SUCLG2: variants seen among roughly 807,000 people sequenced by gnomAD.
SUCLG2 encodes the protein succinate-CoA ligase GDP-forming subunit beta.
In SUCLG2, 42 loss-of-function variants were observed where a neutral mutation model predicts 47.9. That is an observed-to-expected ratio of 0.88 (90% CI 0.69 to 1.14). The LOEUF (loss-of-function observed/expected upper bound fraction) is 1.14. SUCLG2 is among the 50% of genes most tolerant of loss of function. The probability of loss-of-function intolerance (pLI) is 0.00; values close to 1 mark genes in which losing one functional copy is unlikely to be tolerated. For missense variants in SUCLG2, 571 were observed against 525.9 expected (o/e 1.09, Z -0.84); for synonymous variants, 195 against 197.3 (o/e 0.99, Z 0.10).
intron 7 of SUCLG2, among the ~76,000 whole-genome samples, chr3:67,504,258 G>T (rs989930158): frequency 6.6e-6 from 1 of 150,920 alleles, no homozygotes; most frequent in Non-Finnish European, 1.5e-5. Context: ...TGGGTAGGGG[G>T]GTTGGGGGAG....
At chr3:67,363,874 G>C (rs976827253) in intron 10 of SUCLG2, among the ~76,000 whole-genome samples, 1 of 146,882 alleles carries the variant, frequency 6.8e-6, no homozygotes, top group African/African-American at 2.5e-5. Context: ...GGCTTTGAAA[G>C]GTGGAGAAAA....
At chr3:67,529,678 T>C (rs1309944067) in intron 2 of SUCLG2, among the ~76,000 whole-genome samples, 1 of 152,208 alleles carries the variant, frequency 6.6e-6, no homozygotes, top group Non-Finnish European at 1.5e-5. Context: ...AACAGTTTTC[T>C]GAGCAGTTGT....
intron 9 of SUCLG2, among the ~76,000 whole-genome samples, chr3:67,468,777 G>A (rs1559537720): frequency 6.6e-6 from 1 of 152,184 alleles, no homozygotes; most frequent in Non-Finnish European, 1.5e-5. Flanking sequence ...AGCATGAGAG[G>A]TAGTGATAAA....
At chr3:67,435,380 A>T (rs1703593193) in intron 9 of SUCLG2, among the ~76,000 whole-genome samples, 1 of 152,216 alleles carries the variant, frequency 6.6e-6, no homozygotes, top group Non-Finnish European at 1.5e-5. Flanking sequence ...TATTATTAAC[A>T]CTAGCAGTTG....
intron 10 of SUCLG2, among the ~76,000 whole-genome samples, chr3:67,377,685 G>A (rs7642866): frequency 0.25 from 38,359 of 151,968 alleles, 4,890 homozygotes; most frequent in Non-Finnish European, 0.26. Context: ...ATAGGCTCTC[G>A]CTGTGTCACC....
intron 6 of SUCLG2, among the ~76,000 whole-genome samples, chr3:67,515,249 A>T (rs182082028): frequency 1.3e-5 from 2 of 152,236 alleles, no homozygotes; most frequent in Non-Finnish European, 2.9e-5. Flanking sequence ...AAGTATAAAT[A>T]TCTAGAATAT....
At chr3:67,382,370 C>T (rs1206872931) in intron 10 of SUCLG2, among the ~76,000 whole-genome samples, 2 of 152,178 alleles carry the variant, frequency 1.3e-5, no homozygotes, top group African/African-American at 2.4e-5. Flanking sequence ...CACATAACCA[C>T]GCAGCTGGCC....
chr3:67,367,068 T>C (rs1044090447), intron 10 of SUCLG2, among the ~76,000 whole-genome samples: 14 of 152,222 alleles, frequency 9.2e-5, no homozygotes, highest in Non-Finnish European at 1.6e-4. Flanking sequence ...TTAAGTTCTA[T>C]ATATTGAACA....
chr3:67,441,130 A>C (rs538736983), intron 9 of SUCLG2, among the ~76,000 whole-genome samples: 1 of 152,106 alleles, frequency 6.6e-6, no homozygotes, highest in East Asian at 2.0e-4. Flanking sequence ...ACAGGAACAG[A>C]AAACTAAACA....
chr3:67,563,125 T>C lies in SUCLG2; in HGVS notation c.227-33939A>G, dbSNP rs568526592. 1.4e-4 allele frequency among the ~76,000 whole-genome samples: 21 copies of C among 150,116 alleles called. 1 individual carries two copies. In the South Asian group the frequency reaches 2.1e-3, roughly 15 times the overall value. On this transcript the variant is annotated intron_variant, in intron 2 of 10. Coordinates refer to ENST00000307227, the MANE Select transcript of SUCLG2 (RefSeq NM_003848.4). ...ATATATAATACATATATACATAATA[T>C]ATAATACATACATTTTTTAATGTAT...
intron 10 of SUCLG2, among the ~76,000 whole-genome samples, chr3:67,390,036 G>T (rs889624982): frequency 3.9e-5 from 6 of 152,124 alleles, no homozygotes; most frequent in South Asian, 4.1e-4. Flanking sequence ...GATTACAATG[G>T]TACATAATTT....
At chr3:67,651,972 T>C (rs1439521660) in intron 1 of SUCLG2, among the ~76,000 whole-genome samples, 2 of 152,092 alleles carry the variant, frequency 1.3e-5, no homozygotes, top group East Asian at 3.9e-4. Flanking sequence ...TCCATTAAAA[T>C]AAAGTATCAC....
At chr3:67,399,167 A>T (rs1340521096) in intron 10 of SUCLG2, among the ~76,000 whole-genome samples, 2 of 148,978 alleles carry the variant, frequency 1.3e-5, no homozygotes, top group Admixed American at 6.6e-5. Context: ...AACTTAAAGT[A>T]TAATAATAAT....
At chr3:67,592,944 G>T (rs2772467) in intron 2 of SUCLG2, among the ~76,000 whole-genome samples, 59,812 of 151,892 alleles carry the variant, frequency 0.39, 12,018 homozygotes, top group East Asian at 0.43. Flanking sequence ...CAATGTCCAT[G>T]GCTTCCTTGC....
intron 2 of SUCLG2, among the ~76,000 whole-genome samples, chr3:67,541,685 G>A (rs1706715794): frequency 6.6e-6 from 1 of 152,094 alleles, no homozygotes; most frequent in African/African-American, 2.4e-5. Context: ...GATACTCCTT[G>A]AGAAGAGCAA....
intron 2 of SUCLG2, among the ~76,000 whole-genome samples, chr3:67,593,776 C>A (rs1394414307): frequency 6.6e-6 from 1 of 152,190 alleles, no homozygotes; most frequent in Non-Finnish European, 1.5e-5. Flanking sequence ...CAGTTGGTCA[C>A]CCCCGACTAT....
At chr3:67,378,455 C>T (rs748163770) in intron 10 of SUCLG2, among the ~76,000 whole-genome samples, 34 of 152,208 alleles carry the variant, frequency 2.2e-4, no homozygotes, top group Non-Finnish European at 3.8e-4. Context: ...AAACTCTGGC[C>T]AACGGCTGAT....
intron 4 of SUCLG2, among the ~76,000 whole-genome samples, chr3:67,522,513 T>A (rs1429086781): frequency 6.6e-6 from 1 of 152,030 alleles, no homozygotes; most frequent in African/African-American, 2.4e-5. Flanking sequence ...ATAAGTACTG[T>A]CAAAGTGCTT....
chr3:67,436,335 C>T (rs1325843214), intron 9 of SUCLG2, among the ~76,000 whole-genome samples: 1 of 152,144 alleles, frequency 6.6e-6, no homozygotes, highest in Non-Finnish European at 1.5e-5. Flanking sequence ...ATCACAGTGA[C>T]CCATAGTGGA....
Sources: gnomAD v4.1 joint callset for allele counts (sites outside exome capture counted in the v4.1 genomes callset) on GRCh38, gnomAD v4.1.1 for gene constraint, MANE v1.5 for transcripts, NCBI Gene and HGNC (gene_info 2026-07-23, HGNC 2026-07-21) for gene names.